Variants in STIL observed in about 807,000 individuals in gnomAD.
STIL encodes the protein STIL centriolar assembly protein, also known as SCL-interrupting locus protein.
A neutral mutation model predicts 110.1 loss-of-function variants in STIL; 55 were observed. That is an observed-to-expected ratio of 0.50 (90% CI 0.40 to 0.63). The LOEUF (loss-of-function observed/expected upper bound fraction) is 0.63. Ranked by LOEUF, STIL falls within the 20% of genes least tolerant of loss-of-function variation. STIL has a pLI of 0.00. For missense variants in STIL, 1,358 were observed against 1,530.0 expected, an observed-to-expected ratio of 0.89 and a Z score of 1.87; for synonymous variants, 481 against 530.0, an observed-to-expected ratio of 0.91 and a Z score of 1.27.
intron 8 of STIL, among the ~76,000 whole-genome samples, chr1:47,292,401 C>T (rs754854413): frequency 8.8e-5 from 13 of 148,564 alleles, no homozygotes; most frequent in Non-Finnish European, 1.2e-4. Flanking sequence ...TAGAAAAAAA[C>T]ACTTTTAGAA....
At chr1:47,262,796 C>A (rs1644522705) in intron 15 of STIL, 107 bp downstream of exon 15, 6 of 992,200 alleles carry the variant, frequency 6.0e-6, no homozygotes, top group Admixed American at 2.3e-5. Context: ...GACAAAAAAT[C>A]TTTTTATCTT....
At position 47,272,175 on chromosome 1, in the gene STIL, T is replaced by G. The variant is rs1377993463; in HGVS notation, c.2284A>C (p.Thr762Pro). ...CSPKTTAVEDTVQAGRQMELV... is the reference protein window; with the variant it reads ...CSPKTTAVEDPVQAGRQMELV... ...TCCATTTGTCTTCCAGCTTGCACTG[T>G]GTCTTCAACAGCAGTTGTCTTAGGG... The change falls in exon 13 of 17, where the codon ACA becomes CCA. Residue 762 changes from threonine to proline, a missense_variant. By Grantham distance (38) the Thr-to-Pro change is conservative (BLOSUM62 -1). Transcript: ENST00000371877. 6.2e-7 allele frequency: 1 copy of G among 1,614,082 alleles called. No individual in the cohort carries two copies. Among genetic ancestry groups the G allele is most frequent in the Non-Finnish European group, 8.5e-7 (1 of 1,180,034 alleles).
chr1:47,275,462 G>C (rs1644964245), intron 12 of STIL, among the ~76,000 whole-genome samples: 1 of 151,808 alleles, frequency 6.6e-6, no homozygotes, highest in African/African-American at 2.4e-5. Context: ...CAAAAAATTA[G>C]CCCGGCTTGG....
Position 47,282,364 on chromosome 1 carries a change from G to A in STIL, c.1229C>T (p.Pro410Leu), listed in dbSNP as rs202194355. The change falls in exon 11 of 17, where the codon CCT (proline) becomes CTT (leucine). Residue 410 changes from proline (P) to leucine (L), a missense_variant. Transcript: ENST00000371877. ...TGATACCTTCTGACTCACTGGATGA[G>A]GACTAGGAATTGGTCTTGGAGAAAA... ...EDFSPRPIPS[P>L]HPVSQKISKI... 1 of 1,611,192 alleles carries A rather than the reference G, an allele frequency of 6.2e-7. No individual in the cohort carries two copies. The highest frequency in any genetic ancestry group is 1.3e-5 in the African/African-American group (1 of 74,952).
Position 47,304,981 on chromosome 1 carries a change from C to T in STIL, c.60G>A (p.Arg20=). The T allele has an allele frequency of 1.9e-6, 3 of 1,613,824 alleles. No individual in the cohort carries two copies. Among genetic ancestry groups the T allele is most frequent in the Non-Finnish European group, 1.7e-6 (2 of 1,179,844 alleles). The part of the protein sequence containing the change: ...PQMNTRFPSS[R]MVPFHFPPSK... ...ATGGAGGAAAGTGGAAAGGTACCAT[C>T]CTGCTTGAAGGAAACCTTTTGAAAA... is the stretch of plus-strand genomic sequence containing the variant. The change falls in exon 3 of 17, where the codon AGG becomes AGA. Residue 20 remains arginine (R), a synonymous_variant. Transcript: ENST00000371877.
chr1:47,260,514 C>T lies in STIL; in HGVS notation c.2855G>A (p.Ser952Asn), dbSNP rs35447382. The T allele has an allele frequency of 1.1e-5, 18 of 1,614,070 alleles. No homozygotes were observed. The highest frequency in any genetic ancestry group is 1.6e-4 in the Middle Eastern group (1 of 6,062). ...CGGCTGCTCAGTTTCCTTGGAGGAA[C>T]TATTTAATAGGTGGTTTACTTGACC... ...LLGQVNHLLN[S>N]SSKETEQPST... Residue 952 changes from serine (S) to asparagine (N), a missense_variant, in exon 16 of 17, where the codon AGT (serine) becomes AAT (asparagine). Ser to Asn is a conservative substitution (Grantham distance 46). Transcript: ENST00000371877.
intron 14 of STIL, among the ~76,000 whole-genome samples, chr1:47,269,024 G>A (rs1031735470): frequency 6.6e-6 from 1 of 151,332 alleles, no homozygotes; most frequent in Non-Finnish European, 1.5e-5. Context: ...CCGGGAGGTG[G>A]AGATTGCAGT....
intron 9 of STIL, 40 bp from the exon 10 acceptor site, chr1:47,287,700 T>A: frequency 6.9e-7 from 1 of 1,455,272 alleles, no homozygotes; most frequent in African/African-American, 1.4e-5. Context: ...CTGACTTAAA[T>A]AAGAACACCA....
chr1:47,279,744 A>AC (rs1286585425), intron 12 of STIL, among the ~76,000 whole-genome samples: 8 of 150,646 alleles, frequency 5.3e-5, no homozygotes, highest in Non-Finnish European at 8.9e-5. Flanking sequence ...AAAAAAAAAA[A>AC]ACAACAAAAA....
intron 2 of STIL, 35 bp downstream of exon 2, chr1:47,310,241 C>T: frequency 6.3e-7 from 1 of 1,599,010 alleles, no homozygotes. Context: ...ATGTGAAAAG[C>T]TGTAAGACAA....
intron 15 of STIL, among the ~76,000 whole-genome samples, chr1:47,262,445 T>G (rs921925828): frequency 6.6e-6 from 1 of 152,214 alleles, no homozygotes; most frequent in Non-Finnish European, 1.5e-5. Flanking sequence ...TTGTTTCCCC[T>G]AGGCTCTCAA....
chr1:47,301,479 T>G lies in STIL; in HGVS notation c.453+82A>C, dbSNP rs1206544047. Reference sequence around the variant, plus strand: ...CAAATTATTGTAAATCATTCTCAAATATGGTTTTACTAAAATACAGCATAC... The same window carrying G: ...CAAATTATTGTAAATCATTCTCAAAGATGGTTTTACTAAAATACAGCATAC... On this transcript the variant is annotated intron_variant, in intron 5 of 16. Coordinates refer to ENST00000371877, the MANE Select transcript of STIL (RefSeq NM_001048166.1). The G allele has an allele frequency of 2.2e-6, 3 of 1,363,290 alleles. No individual in the cohort carries two copies. In the African/African-American group the frequency reaches 4.3e-5, roughly 19 times the overall value. The allele number at this position is 1,363,290 out of a possible 1,614,324, so 84.4% of individuals were successfully genotyped here. A position where few individuals can be genotyped will look rare whatever the true frequency, so the allele number is the denominator to read the frequency against.
intron 8 of STIL, among the ~76,000 whole-genome samples, chr1:47,290,337 TATC>T (rs1645444596): frequency 1.3e-5 from 2 of 152,236 alleles, no homozygotes; most frequent in Non-Finnish European, 2.9e-5. Flanking sequence ...CGTTACTATA[TATC>T]ATCAATATGT....
intron 1 of STIL, 36 bp from the exon 2 acceptor site, chr1:47,310,398 A>G (rs1197389557): frequency 7.6e-7 from 1 of 1,317,290 alleles, no homozygotes; most frequent in East Asian, 2.4e-5. Flanking sequence ...AATGAATGAT[A>G]AAAACAAAGA....
chr1:47,271,694 A>G (rs1644845207), intron 13 of STIL, among the ~76,000 whole-genome samples: 1 of 151,542 alleles, frequency 6.6e-6, no homozygotes, highest in South Asian at 2.1e-4. Context: ...TAATCCCAAC[A>G]CTTTGGGAGG....
At chr1:47,302,750 T>C (rs572224329) in intron 3 of STIL, among the ~76,000 whole-genome samples, 1 of 152,190 alleles carries the variant, frequency 6.6e-6, no homozygotes, top group Non-Finnish European at 1.5e-5. Flanking sequence ...AAACCACAGA[T>C]AGTAACAAAT....
At chr1:47,265,280 T>G (rs535897773) in intron 14 of STIL, among the ~76,000 whole-genome samples, 1 of 145,624 alleles carries the variant, frequency 6.9e-6, no homozygotes, top group Non-Finnish European at 1.5e-5. Flanking sequence ...GGATATTTTT[T>G]AAAATTCCAA....
At position 47,295,746 on chromosome 1, in the gene STIL, T is replaced by C; in HGVS notation, c.785+19A>G. 6.5e-7 allele frequency: 1 copy of C among 1,550,066 alleles called. No individual in the cohort carries two copies. Among genetic ancestry groups the C allele is most frequent in the Non-Finnish European group, 8.9e-7 (1 of 1,122,686 alleles). ...GAACATTTGGCTGATAAGGTTTTCA[T>C]AAATAATGTAATACTTACATTCCCA... On this transcript the variant is annotated intron_variant, in intron 7 of 16. Transcript: ENST00000371877.
intron 15 of STIL, among the ~76,000 whole-genome samples, chr1:47,261,715 G>A (rs955329208): frequency 2.0e-5 from 3 of 150,890 alleles, no homozygotes; most frequent in Middle Eastern, 6.8e-3. Context: ...ATTCCAGCCT[G>A]GGCAACAGAA....
Sources: gnomAD v4.1 joint callset for allele counts (sites outside exome capture counted in the v4.1 genomes callset) on GRCh38, gnomAD v4.1.1 for gene constraint, MANE v1.5 for transcripts, NCBI Gene and HGNC (gene_info 2026-07-23, HGNC 2026-07-21) for gene names.